CEP170B: variants seen among roughly 807,000 people sequenced by gnomAD.
CEP170B encodes the protein centrosomal protein of 170 kDa protein B.
A neutral mutation model predicts 120.6 loss-of-function variants in CEP170B; 55 were observed. The ratio of observed to expected loss-of-function variants is 0.46; its 90% CI spans 0.37 to 0.57. CEP170B has a LOEUF of 0.57. Ranked by LOEUF, CEP170B falls within the 20% of genes least tolerant of loss-of-function variation. The pLI, the probability that CEP170B is intolerant of heterozygous loss-of-function variation, is 0.00. For synonymous variants in CEP170B, 1,033 were observed against 954.5 expected (o/e 1.08, Z -1.52); for missense variants, 2,212 against 2,253.3 (o/e 0.98, Z 0.37).
chr14:104,887,629 G>A lies in CEP170B; in HGVS notation c.3390G>A (p.Arg1130=), dbSNP rs754161138. Residue 1130 remains arginine, a synonymous_variant, in exon 12 of 19, where the codon CGG becomes CGA. Transcript: ENST00000414716. ...GGGCCTCCCGGCTGAGGCGGGCCCG[G>A]CTGGGGGACGCTTCAGACACTGAGG... The part of the protein sequence containing the change: ...PTRASRLRRA[R]LGDASDTEAA... The A allele has an allele frequency of 1.3e-6, 2 of 1,557,324 alleles. No homozygotes were observed. The highest frequency in any genetic ancestry group is 2.4e-5 in the South Asian group (2 of 84,886).
Position 104,896,284 on chromosome 14 carries a change from T to G in CEP170B, c.*1326T>G. On this transcript the variant is annotated 3_prime_UTR_variant, in exon 19 of 19. Coordinates refer to ENST00000414716, the MANE Select transcript of CEP170B (RefSeq NM_001112726.3). ...GCTGGGGTTGGGTGTACGGGTTCTG[T>G]TCCTCTGAGCCTGCGGCCCACCTGA... The G allele has an allele frequency of 6.7e-6, 1 of 148,656 alleles. No individual in the cohort carries two copies. Among genetic ancestry groups the G allele is most frequent in the Non-Finnish European group, 1.2e-5 (1 of 81,934 alleles). 9.2% of individuals were successfully genotyped at this position (148,656 alleles called of 1,614,324 possible).
intron 2 of CEP170B, among the ~76,000 whole-genome samples, chr14:104,874,354 CTGGA>C (rs1167545252): frequency 6.6e-6 from 1 of 152,148 alleles, no homozygotes; most frequent in Non-Finnish European, 1.5e-5. Flanking sequence ...CAGGGTGGAC[CTGGA>C]GGTGGGTGGT....
upstream of CEP170B, among the ~76,000 whole-genome samples, chr14:104,865,012 A>G (rs1458770593): frequency 7.2e-6 from 1 of 138,644 alleles, no homozygotes; most frequent in Non-Finnish European, 1.6e-5. The surrounding 1 kb of genome is among the most constrained non-coding windows in gnomAD (Gnocchi z 6.7). Flanking sequence ...CGGGTGCGAG[A>G]TGAGCCGGGG....
At position 104,893,786 on chromosome 14, in the gene CEP170B, A is replaced by G. The variant is rs1896964216; in HGVS notation, c.4208A>G (p.Asn1403Ser). The change falls in exon 16 of 19, where the codon AAC becomes AGC. Residue 1403 changes from asparagine to serine, a missense_variant. Coordinates refer to ENST00000414716, the MANE Select transcript of CEP170B (RefSeq NM_001112726.3). ...GTGATCTTCGATAACCTGATGCTGA[A>G]CCCGGTGTCCCAGCTGTCGCAGGCC... The part of the protein sequence containing the change: ...EEVIFDNLML[N>S]PVSQLSQAIR... 6.2e-7 allele frequency: 1 copy of G among 1,611,894 alleles called. No homozygotes were observed. Among genetic ancestry groups the G allele is most frequent in the Non-Finnish European group, 8.5e-7 (1 of 1,179,478 alleles).
chr14:104,877,050 C>A (rs753313960), intron 3 of CEP170B, among the ~76,000 whole-genome samples: 1 of 146,188 alleles, frequency 6.8e-6, no homozygotes, highest in Non-Finnish European at 1.5e-5. Context: ...CCAGCTTGTC[C>A]TGGGACACTC....
At chr14:104,874,609 C>T (rs535264971) in intron 2 of CEP170B, among the ~76,000 whole-genome samples, 1 of 152,190 alleles carries the variant, frequency 6.6e-6, no homozygotes, top group Non-Finnish European at 1.5e-5. Flanking sequence ...CCTGGGGGGA[C>T]CCAGGGTCCT....
Position 104,887,024 on chromosome 14 carries a change from C to T in CEP170B, c.2785C>T (p.Leu929Phe), listed in dbSNP as rs989769052. 6.8e-6 allele frequency: 11 copies of T among 1,610,978 alleles called. No homozygotes were observed. Among genetic ancestry groups the T allele is most frequent in the East Asian group, 2.2e-5 (1 of 44,884 alleles). The change falls in exon 12 of 19, where the codon CTC (leucine) becomes TTC (phenylalanine). Residue 929 changes from leucine (L) to phenylalanine (F), a missense_variant. Physicochemically the swap from Leu to Phe is conservative, Grantham distance 22. This residue lies in a region of CEP170B where 2,166 missense variants were observed against 2,166.7 expected (regional missense o/e 1.00). Coordinates refer to ENST00000414716, the MANE Select transcript of CEP170B (RefSeq NM_001112726.3). ...TALAALEARL[L>F]SNSVDAECEG... The stretch of plus-strand genomic sequence containing the variant: ...CCTGGCGGCCCTGGAGGCCCGACTC[C>T]TCTCTAATTCTGTGGATGCCGAGTG...
chr14:104,875,041 T>C (rs1300659705), intron 2 of CEP170B, among the ~76,000 whole-genome samples: 1 of 152,206 alleles, frequency 6.6e-6, no homozygotes, highest in Non-Finnish European at 1.5e-5. Context: ...CCAGGGGTGC[T>C]GGGGAAGGCC....
chr14:104,883,547 G>A lies in CEP170B; in HGVS notation c.1051+39G>A, dbSNP rs1442033077. ...TGGCGGCCGTGCCAGTCCCGGGACAGGCAGGGGACCGGACTTTGGCTGGGT... is the reference window on the plus strand; with the variant it reads ...TGGCGGCCGTGCCAGTCCCGGGACAAGCAGGGGACCGGACTTTGGCTGGGT... On this transcript the variant is annotated intron_variant, in intron 8 of 18. Transcript: ENST00000414716. 18 of 1,499,816 alleles carry A rather than the reference G, an allele frequency of 1.2e-5. No homozygotes were observed. In the Admixed American group the frequency reaches 1.7e-4, roughly 14 times the overall value. The allele number at this position is 1,499,816 out of a possible 1,614,324, so 92.9% of individuals were successfully genotyped here.
chr14:104,871,398 G>A (rs1325214048), intron 2 of CEP170B, among the ~76,000 whole-genome samples: 3 of 41,910 alleles, frequency 7.2e-5, no homozygotes, highest in African/African-American at 1.9e-4. Flanking sequence ...CCCACCCCAC[G>A]CACAGACAGG....
chr14:104,866,177 G>T (rs1895195635), intron 1 of CEP170B, among the ~76,000 whole-genome samples: 1 of 152,194 alleles, frequency 6.6e-6, no homozygotes, highest in African/African-American at 2.4e-5. Context: ...TTGGAGCGTC[G>T]CGGGCTCCCA....
Position 104,880,442 on chromosome 14 carries a change from C to G in CEP170B, c.472+17C>G. The G allele has an allele frequency of 6.2e-7, 1 of 1,608,912 alleles. No homozygotes were observed. The highest frequency in any genetic ancestry group is 8.5e-7 in the Non-Finnish European group (1 of 1,178,462). On this transcript the variant is annotated intron_variant, in intron 6 of 18. Coordinates refer to ENST00000414716, the MANE Select transcript of CEP170B (RefSeq NM_001112726.3). ...CAGGAACAGGTAGGCCCAGGCAGTG[C>G]GGATGGGGTGAGCACACAGGGCCAC...
chr14:104,868,208 C>T lies in CEP170B; in HGVS notation c.-27-216C>T, dbSNP rs564607884. 1.4e-4 allele frequency among the ~76,000 whole-genome samples: 22 copies of T among 152,184 alleles called. 1 individual carries two copies. Among genetic ancestry groups the T allele is most frequent in the African/African-American group, 3.9e-4 (16 of 41,528 alleles). On this transcript the variant is annotated intron_variant, in intron 1 of 18. Transcript: ENST00000414716. The surrounding 1 kb of genome is among the most constrained non-coding windows in gnomAD (Gnocchi z 5.9). ...CCAGGCAGCCTTTGCCAGGGATGGA[C>T]GTGATGGGAAAGGCCGGTCACGAGG...
rs746786156 is a variant in CEP170B at position 104,893,659 on chromosome 14, G to T, written c.4175G>T (p.Arg1392Leu). Residue 1392 changes from arginine to leucine, a missense_variant, in exon 15 of 19, where the codon CGA (arginine) becomes CTA (leucine). Arg to Leu is a moderately radical substitution (Grantham distance 102). This residue lies in a region of CEP170B where 2,166 missense variants were observed against 2,166.7 expected (regional missense o/e 1.00). Coordinates refer to ENST00000414716, the MANE Select transcript of CEP170B (RefSeq NM_001112726.3). Reference sequence around the variant, plus strand: ...GCCAACAAGACGCGGCCTCGGAACCGAGAGGAGGCACGGTGCCCACTACCG... The same window carrying T: ...GCCAACAAGACGCGGCCTCGGAACCTAGAGGAGGCACGGTGCCCACTACCG... ...ALANKTRPRN[R>L]EEVIFDNLML... 1.4e-5 allele frequency: 22 copies of T among 1,586,806 alleles called. No homozygotes were observed. The highest frequency in any genetic ancestry group is 6.9e-5 in the South Asian group (6 of 87,378).
Position 104,887,244 on chromosome 14 carries a change from G to C in CEP170B, c.3005G>C (p.Ser1002Thr), listed in dbSNP as rs1352289135. ...GACCCGGGAGGCACCGCCCTGGTCA[G>C]TGCCCGTGAGCAGTCCTCAGAGAGG... ...AQDPGGTALVSAREQSSERQH... is the reference protein window; with the variant it reads ...AQDPGGTALVTAREQSSERQH... Residue 1002 changes from serine (S) to threonine (T), a missense_variant, in exon 12 of 19, where the codon AGT becomes ACT. This residue lies in a region of CEP170B where 2,166 missense variants were observed against 2,166.7 expected (regional missense o/e 1.00). Transcript: ENST00000414716. 1 of 1,606,862 alleles carries C rather than the reference G, an allele frequency of 6.2e-7. No individual in the cohort carries two copies. Among genetic ancestry groups the C allele is most frequent in the Admixed American group, 1.7e-5 (1 of 59,936 alleles).
rs34049803 is a variant in CEP170B at position 104,895,058 on chromosome 14, AC to A, written c.*105del. On this transcript the variant is annotated 3_prime_UTR_variant, in exon 19 of 19. Transcript: ENST00000414716. ...TGGCCGCAGGTGGTTCTCCCTGAAG[AC>A]CCCCACATGTGCCATATCCCTGTGG... The A allele has an allele frequency of 2.2e-6, 3 of 1,334,198 alleles. No individual in the cohort carries two copies. Among genetic ancestry groups the A allele is most frequent in the African/African-American group, 3.0e-5 (2 of 67,136 alleles). The allele number at this position is 1,334,198 out of a possible 1,614,324, so 82.6% of individuals were successfully genotyped here.
chr14:104,890,287 TG>T (rs1303184577), intron 13 of CEP170B, among the ~76,000 whole-genome samples: 3 of 113,366 alleles, frequency 2.6e-5, no homozygotes, highest in African/African-American at 1.0e-4. Context: ...GATGAGTGAG[TG>T]GGTGGATGGA....
At chr14:104,883,704 TG>T (rs145529614) in intron 8 of CEP170B, 126 bp from the exon 9 acceptor site, 57 of 1,121,688 alleles carry the variant, frequency 5.1e-5, no homozygotes, top group Non-Finnish European at 6.7e-5. Flanking sequence ...TTGCCCTGTG[TG>T]GGGGGGCCCT....
intron 10 of CEP170B, among the ~76,000 whole-genome samples, 200 bp from the exon 11 acceptor site, chr14:104,885,840 C>T (rs867139433): frequency 1.3e-5 from 2 of 152,194 alleles, no homozygotes; most frequent in Admixed American, 6.5e-5. Context: ...CAGGGGGTCG[C>T]GTTGGAGCAA....
Sources: allele counts gnomAD v4.1 joint callset (sites outside exome capture counted in the v4.1 genomes callset), GRCh38; gene constraint gnomAD v4.1.1; regional missense constraint gnomAD v4.1.1; non-coding constraint Gnocchi (gnomAD v3.1); transcripts MANE v1.5; gene names NCBI Gene and HGNC (gene_info 2026-07-23, HGNC 2026-07-21).